The following DOK6 variants were observed in gnomAD, a reference collection of about 807,000 sequenced individuals.
The protein encoded by DOK6 is docking protein 6.
Under a neutral mutation model 44.0 loss-of-function variants are expected in DOK6, and 22 were observed. The observed-to-expected ratio is 0.50, with a 90% confidence interval of 0.36 to 0.71. The LOEUF is 0.71. Among genes scored for constraint, DOK6 ranks in the 30% least tolerant of loss-of-function variants. DOK6 has a pLI of 0.00. For synonymous variants in DOK6, 166 were observed against 145.5 expected, an observed-to-expected ratio of 1.14 and a Z score of -1.01; for missense variants, 340 against 416.4, an observed-to-expected ratio of 0.82 and a Z score of 1.60.
chr18:69,474,243 T>A, intron 1 of DOK6, among the ~76,000 whole-genome samples: 1 of 152,134 alleles, frequency 6.6e-6, no homozygotes, highest in Non-Finnish European at 1.5e-5. Flanking sequence ...TCTCCTTTCT[T>A]CTCCCTTCTT....
At chr18:69,827,676 A>ATT (rs763682575) in intron 7 of DOK6, among the ~76,000 whole-genome samples, 4 of 152,036 alleles carry the variant, frequency 2.6e-5, no homozygotes, top group Non-Finnish European at 4.4e-5. Context: ...GCTACATTAT[A>ATT]TGAATGCCAG....
At chr18:69,683,114 G>A (rs1167893223) in intron 4 of DOK6, among the ~76,000 whole-genome samples, 1 of 151,832 alleles carries the variant, frequency 6.6e-6, no homozygotes, top group East Asian at 1.9e-4. Flanking sequence ...GAGTTTTCCA[G>A]GGCAATAATT....
In DOK6 at chr18:69,667,398, C is replaced by T. The variant is rs1402628139; in HGVS notation, c.290-10336C>T. Among the ~76,000 whole-genome samples the T allele has an allele frequency of 2.6e-5, 4 of 152,208 alleles. No homozygotes were observed. In the East Asian group the frequency reaches 5.8e-4, roughly 22 times the overall value. On this transcript the variant is annotated intron_variant, in intron 3 of 7. Transcript: ENST00000382713. Reference sequence around the variant, plus strand: ...TTCTGTTTCTCTTCTCTCCTGCTTTCTCTTGCACCTATTCAAGCTGTCTTT... The same window carrying T: ...TTCTGTTTCTCTTCTCTCCTGCTTTTTCTTGCACCTATTCAAGCTGTCTTT...
intron 7 of DOK6, among the ~76,000 whole-genome samples, chr18:69,828,641 AT>A (rs1428590932): frequency 1.3e-5 from 2 of 151,476 alleles, no homozygotes; most frequent in Non-Finnish European, 3.0e-5. Context: ...TCAAATTATT[AT>A]AAACTACATT....
At chr18:69,744,265 G>A (rs375135466) in intron 6 of DOK6, among the ~76,000 whole-genome samples, 9 of 150,086 alleles carry the variant, frequency 6.0e-5, no homozygotes, top group Non-Finnish European at 1.0e-4. Context: ...AGCCGAGATC[G>A]CACCATTGCA....
chr18:69,802,839 T>A (rs1790586), intron 7 of DOK6, among the ~76,000 whole-genome samples: 66,058 of 151,948 alleles, frequency 0.43, 15,716 homozygotes, highest in East Asian at 0.59. Flanking sequence ...CCTCTTCTTT[T>A]TTTTAAATAA....
chr18:69,834,811 A>C (rs901382664), intron 7 of DOK6, among the ~76,000 whole-genome samples: 1 of 152,180 alleles, frequency 6.6e-6, no homozygotes, highest in East Asian at 1.9e-4. Flanking sequence ...GTATTAGTCC[A>C]TTTTCACACT....
intron 1 of DOK6, among the ~76,000 whole-genome samples, chr18:69,409,466 G>A (rs572297748): frequency 1.3e-5 from 2 of 152,208 alleles, no homozygotes; most frequent in South Asian, 2.1e-4. Context: ...TATATAATGT[G>A]CTATATATTG....
At position 69,842,742 on chromosome 18, in the gene DOK6, G is replaced by T. The variant is rs957870825; in HGVS notation, c.*1359G>T. 4 of 152,132 alleles carry T rather than the reference G, an allele frequency of 2.6e-5. No homozygotes were observed. The highest frequency in any genetic ancestry group is 5.9e-5 in the Non-Finnish European group (4 of 68,028). The allele number at this position is 152,132 out of a possible 1,614,324, so 9.4% of individuals were successfully genotyped here. A position where few individuals can be genotyped will look rare whatever the true frequency, so the allele number is the denominator to read the frequency against. On this transcript the variant is annotated 3_prime_UTR_variant, in exon 8 of 8. Transcript: ENST00000382713. The stretch of plus-strand genomic sequence containing the variant: ...AGTTTGGCTAATTCAGGTCAACAAA[G>T]ATATATTTGCCCTTAATTCTGGAGT...
chr18:69,763,157 AGCTT>A (rs1313977806), intron 7 of DOK6, among the ~76,000 whole-genome samples: 1 of 152,186 alleles, frequency 6.6e-6, no homozygotes, highest in Admixed American at 6.5e-5. Context: ...GGGAATAATT[AGCTT>A]CTAACAAGCA....
chr18:69,438,396 G>T (rs150101438), intron 1 of DOK6, among the ~76,000 whole-genome samples: 1 of 152,164 alleles, frequency 6.6e-6, no homozygotes, highest in East Asian at 1.9e-4. Context: ...TTTATCTTGA[G>T]ATTTCAGCAA....
chr18:69,683,857 G>T (rs1401545716), intron 4 of DOK6, among the ~76,000 whole-genome samples: 5 of 152,202 alleles, frequency 3.3e-5, no homozygotes, highest in African/African-American at 1.2e-4. Flanking sequence ...ATAATAATCT[G>T]TTTAACTTTG....
intron 1 of DOK6, among the ~76,000 whole-genome samples, chr18:69,518,451 T>A (rs1356592840): frequency 6.6e-6 from 1 of 152,162 alleles, no homozygotes; most frequent in Admixed American, 6.6e-5. Context: ...TGGTCAGTTA[T>A]AAGGAAATAC....
chr18:69,446,259 A>C (rs1979287762), intron 1 of DOK6, among the ~76,000 whole-genome samples: 1 of 128,214 alleles, frequency 7.8e-6, no homozygotes, highest in Admixed American at 9.8e-5. Context: ...TCCTGTGTCC[A>C]AGTGTTCTCA....
At chr18:69,581,072 A>G (rs965487274) in intron 2 of DOK6, among the ~76,000 whole-genome samples, 3 of 152,208 alleles carry the variant, frequency 2.0e-5, no homozygotes, top group Admixed American at 2.0e-4. Flanking sequence ...CATCGTGTAT[A>G]TACGGCACAC....
chr18:69,545,773 G>C lies in DOK6; in HGVS notation c.67-18714G>C, dbSNP rs567209552. 2.6e-5 allele frequency among the ~76,000 whole-genome samples: 4 copies of C among 151,214 alleles called. No homozygotes were observed. In the East Asian group the frequency reaches 5.8e-4, roughly 22 times the overall value. The stretch of plus-strand genomic sequence containing the variant: ...TTTTTTTCTAGTATTTCAGTATACT[G>C]TAAATAGATGGCAGTATTCACATTT... On this transcript the variant is annotated intron_variant, in intron 1 of 7. Transcript: ENST00000382713.
intron 1 of DOK6, among the ~76,000 whole-genome samples, chr18:69,543,443 G>C (rs1982321173): frequency 6.6e-6 from 1 of 151,554 alleles, no homozygotes; most frequent in Non-Finnish European, 1.5e-5. Context: ...GAAGGAAACA[G>C]ACAAACATAT....
intron 1 of DOK6, among the ~76,000 whole-genome samples, chr18:69,491,170 T>C (rs1449918075): frequency 1.3e-5 from 2 of 152,374 alleles, no homozygotes; most frequent in East Asian, 1.9e-4. Context: ...AAGTGTTATC[T>C]ATTAATAGTA....
At chr18:69,546,192 G>T (rs1174877081) in intron 1 of DOK6, among the ~76,000 whole-genome samples, 1 of 150,382 alleles carries the variant, frequency 6.6e-6, no homozygotes, top group Non-Finnish European at 1.5e-5. Context: ...CAGAAGAATC[G>T]CTTGAACCTG....
Sources: allele counts gnomAD v4.1 joint callset (sites outside exome capture counted in the v4.1 genomes callset), GRCh38; gene constraint gnomAD v4.1.1; transcripts MANE v1.5; gene names NCBI Gene and HGNC (gene_info 2026-07-23, HGNC 2026-07-21).